The following CLN8 variants were observed in gnomAD, a reference collection of about 807,000 sequenced individuals.
The protein encoded by CLN8 is CLN8 transmembrane ER and ERGIC protein, also known as protein CLN8.
In CLN8, 14 loss-of-function variants were observed where a neutral mutation model predicts 15.7. That is an observed-to-expected ratio of 0.89 (90% CI 0.59 to 1.39). The LOEUF (loss-of-function observed/expected upper bound fraction) is 1.39. Ranked by LOEUF, CLN8 falls within the 40% of genes most tolerant of loss-of-function variation. CLN8 has a pLI of 0.00. For missense variants in CLN8, 415 were observed against 364.0 expected (o/e 1.14, Z -1.14); for synonymous variants, 188 against 151.0 (o/e 1.25, Z -1.80).
At chr8:1,768,269 A>G (rs376274943) in intron 1 of CLN8, among the ~76,000 whole-genome samples, 52 of 152,220 alleles carry the variant, frequency 3.4e-4, no homozygotes, top group African/African-American at 1.2e-3. Context: ...TAGCTCCTAA[A>G]TAGTGAAATC....
chr8:1,757,399 G>A (rs2130946133), intron 1 of CLN8, among the ~76,000 whole-genome samples: 1 of 152,302 alleles, frequency 6.6e-6, no homozygotes, highest in East Asian at 1.9e-4. Context: ...AGCTATCTTT[G>A]TTGCCCTAGA....
chr8:1,771,128 C>G lies in CLN8; in HGVS notation c.74C>G (p.Ser25Cys), dbSNP rs1372240961. The G allele has an allele frequency of 6.2e-7, 1 of 1,613,856 alleles. No individual in the cohort carries two copies. Among genetic ancestry groups the G allele is most frequent in the African/African-American group, 1.3e-5 (1 of 74,872 alleles). ...GACTATGCATCCTGGGGGATCCGCTCCACGCTGATGGTCGCTGGCTTTGTC... is the reference window on the plus strand; with the variant it reads ...GACTATGCATCCTGGGGGATCCGCTGCACGCTGATGGTCGCTGGCTTTGTC... Reference protein sequence around the residue: ...DLDYASWGIRSTLMVAGFVFY... With the variant: ...DLDYASWGIRCTLMVAGFVFY... Residue 25 changes from serine to cysteine, a missense_variant, in exon 2 of 3, where the codon TCC (serine) becomes TGC (cysteine). Physicochemically the swap from Ser to Cys is moderately radical, Grantham distance 112. Coordinates refer to ENST00000331222, the MANE Select transcript of CLN8 (RefSeq NM_018941.4).
intron 2 of CLN8, 179 bp from the exon 3 acceptor site, chr8:1,780,071 T>G (rs1222117826): frequency 7.1e-6 from 7 of 985,356 alleles, no homozygotes; most frequent in Non-Finnish European, 8.4e-6. Flanking sequence ...CCCACAGAGC[T>G]GGTGGCCTCC....
chr8:1,775,836 C>T lies in CLN8; in HGVS notation c.543+4239C>T, dbSNP rs1029336135. On this transcript the variant is annotated intron_variant, in intron 2 of 2. Transcript: ENST00000331222. ...TCTTTTCACTCCTGTTGATACTGTA[C>T]GCTCTCTTGAGGAGCAATGAGCACT... is the stretch of plus-strand genomic sequence containing the variant. Among the ~76,000 whole-genome samples the T allele has an allele frequency of 3.3e-5, 5 of 152,330 alleles. No homozygotes were observed. In the East Asian group the frequency reaches 5.8e-4, roughly 18 times the overall value.
At chr8:1,770,896 A>T in intron 1 of CLN8, 36 bp from the exon 2 acceptor site, 1 of 688,026 alleles carries the variant, frequency 1.5e-6, no homozygotes, top group Non-Finnish European at 2.6e-6. Flanking sequence ...CCTTGTTTCT[A>T]TCGAGTCAAC....
rs1801748815 is a variant in CLN8 at position 1,783,136 on chromosome 8, G to A, written c.*2569G>A. The A allele has an allele frequency of 6.6e-6, 1 of 152,324 alleles. No individual in the cohort carries two copies. The highest frequency in any genetic ancestry group is 1.5e-5 in the Non-Finnish European group (1 of 68,088). 9.4% of individuals were successfully genotyped at this position (152,324 alleles called of 1,614,324 possible). ...TCAGTCTCCCTGACCGGCAGTGTGA[G>A]GGGATGTAGCTATAGTGGAGCATGG... On this transcript the variant is annotated 3_prime_UTR_variant, in exon 3 of 3. Transcript: ENST00000331222.
rs370222132 is a variant in CLN8 at position 1,782,488 on chromosome 8, C to G, written c.*1921C>G. 2 of 152,282 alleles carry G rather than the reference C, an allele frequency of 1.3e-5. No homozygotes were observed. The highest frequency in any genetic ancestry group is 4.8e-5 in the African/African-American group (2 of 41,568). The allele number at this position is 152,282 out of a possible 1,614,324, so 9.4% of individuals were successfully genotyped here. A position where few individuals can be genotyped will look rare whatever the true frequency, so the allele number is the denominator to read the frequency against. On this transcript the variant is annotated 3_prime_UTR_variant, in exon 3 of 3. Coordinates refer to ENST00000331222, the MANE Select transcript of CLN8 (RefSeq NM_018941.4). ...TTGCTGGTGCTTTAACTATATTGACCAAGGTGTATAGTAACCTATTTATCA... is the reference window on the plus strand; with the variant it reads ...TTGCTGGTGCTTTAACTATATTGACGAAGGTGTATAGTAACCTATTTATCA...
intron 2 of CLN8, chr8:1,779,967 A>G (rs1364588986): frequency 1.1e-5 from 11 of 985,334 alleles, no homozygotes; most frequent in Middle Eastern, 5.2e-4. Context: ...GAAAGGTTGA[A>G]TTTATCATAG....
intron 2 of CLN8, among the ~76,000 whole-genome samples, chr8:1,776,358 C>T (rs1468477208): frequency 1.3e-5 from 2 of 151,588 alleles, no homozygotes; most frequent in Non-Finnish European, 2.9e-5. Context: ...TGCATGTGGC[C>T]CCGCTCCTGT....
chr8:1,759,060 A>C (rs1388833042), upstream of CLN8: 1 of 152,192 alleles, frequency 6.6e-6, no homozygotes, highest in South Asian at 2.1e-4. Flanking sequence ...ATGCTATACT[A>C]GAGTCAGGTT....
At chr8:1,754,895 G>A (rs112112992), upstream of CLN8, among the ~76,000 whole-genome samples, 728 of 152,338 alleles carry the variant, frequency 4.8e-3, 6 homozygotes, top group African/African-American at 0.017. Flanking sequence ...CCAGAAGCAG[G>A]CCGGAAGTTC....
chr8:1,759,996 C>G (rs554839030), upstream of CLN8: 1 of 152,284 alleles, frequency 6.6e-6, no homozygotes, highest in East Asian at 1.9e-4. Context: ...TGTAATGGAA[C>G]AACCAAACCT....
chr8:1,768,238 C>G (rs1801147066), intron 1 of CLN8, among the ~76,000 whole-genome samples: 1 of 152,186 alleles, frequency 6.6e-6, no homozygotes, highest in Non-Finnish European at 1.5e-5. Context: ...GCCACCACAC[C>G]CAGCCTGAAA....
upstream of CLN8, chr8:1,762,849 T>C (rs1354741596): frequency 6.6e-6 from 1 of 152,252 alleles, no homozygotes; most frequent in Non-Finnish European, 1.5e-5. Flanking sequence ...ATGCTCTGTA[T>C]CGATCGCATG....
intron 2 of CLN8, among the ~76,000 whole-genome samples, chr8:1,775,343 C>A (rs1296812265): frequency 3.3e-5 from 5 of 152,146 alleles, no homozygotes; most frequent in African/African-American, 1.2e-4. Flanking sequence ...AGCCCAGGAA[C>A]CAGTCCCCCA....
At chr8:1,765,612 C>G (rs1303604602) in intron 1 of CLN8, among the ~76,000 whole-genome samples, 1 of 152,122 alleles carries the variant, frequency 6.6e-6, no homozygotes, top group Non-Finnish European at 1.5e-5. Context: ...CAGTATACAG[C>G]AGGATAGGAA....
chr8:1,783,022 G>C lies in CLN8; in HGVS notation c.*2455G>C, dbSNP rs1229757095. The C allele has an allele frequency of 6.6e-6, 1 of 152,368 alleles. No homozygotes were observed. Among genetic ancestry groups the C allele is most frequent in the Non-Finnish European group, 1.5e-5 (1 of 68,168 alleles). 9.4% of individuals were successfully genotyped at this position (152,368 alleles called of 1,614,324 possible). A position where few individuals can be genotyped will look rare whatever the true frequency, so the allele number is the denominator to read the frequency against. Reference sequence around the variant, plus strand: ...CCCTCAGTGCAGAGCCTGAAGTTGGGGGTTTAGGGGTGGAAAAGGCTTCGT... The same window carrying C: ...CCCTCAGTGCAGAGCCTGAAGTTGGCGGTTTAGGGGTGGAAAAGGCTTCGT... On this transcript the variant is annotated 3_prime_UTR_variant, in exon 3 of 3. Coordinates refer to ENST00000331222, the MANE Select transcript of CLN8 (RefSeq NM_018941.4).
intron 2 of CLN8, 87 bp from the exon 3 acceptor site, chr8:1,780,163 G>A: frequency 6.2e-7 from 1 of 1,609,696 alleles, no homozygotes; most frequent in Non-Finnish European, 8.5e-7. Context: ...TGTTTGGTAA[G>A]TAAGGTAGCA....
upstream of CLN8, among the ~76,000 whole-genome samples, chr8:1,753,568 T>TAAA (rs1184933996): frequency 0.15 from 3,973 of 26,276 alleles, 183 homozygotes; most frequent in African/African-American, 0.28. Flanking sequence ...TGAAACTGTT[T>TAAA]CAAAAAAAAA....
Sources: allele counts gnomAD v4.1 joint callset (sites outside exome capture counted in the v4.1 genomes callset), GRCh38; gene constraint gnomAD v4.1.1; transcripts MANE v1.5; gene names NCBI Gene and HGNC (gene_info 2026-07-23, HGNC 2026-07-21).